XPR1: variants seen among roughly 807,000 people sequenced by gnomAD.
The protein encoded by XPR1 is xenotropic and polytropic retrovirus receptor 1, also known as solute carrier family 53 member 1.
Under a neutral mutation model 87.5 loss-of-function variants are expected in XPR1, and 28 were observed. The ratio of observed to expected loss-of-function variants is 0.32; its 90% CI spans 0.24 to 0.44. The LOEUF (loss-of-function observed/expected upper bound fraction) is 0.44, where lower values mean the gene tolerates loss of function less well. Ranked by LOEUF, XPR1 falls within the 20% of genes least tolerant of loss-of-function variation. XPR1 has a pLI of 1.00. For missense variants in XPR1, 559 were observed against 862.3 expected, an observed-to-expected ratio of 0.65 and a Z score of 4.41; for synonymous variants, 300 against 306.1, an observed-to-expected ratio of 0.98 and a Z score of 0.21.
intron 4 of XPR1, among the ~76,000 whole-genome samples, chr1:180,804,848 T>G (rs1217196258): frequency 1.3e-5 from 2 of 152,150 alleles, no homozygotes; most frequent in African/African-American, 4.8e-5. Context: ...GCTTTATAAT[T>G]TAAAAAACAA....
In XPR1 at chr1:180,717,589, A is replaced by G. The variant is rs1056846909; in HGVS notation, c.121+35178A>G. ...GATCCCAGTCTATATCTCCTACATC[A>G]GAATCTTGGGTGTGGATTGGGAAAT... On this transcript the variant is annotated intron_variant, in intron 2 of 14. Transcript: ENST00000367590. 3.0e-4 allele frequency among the ~76,000 whole-genome samples: 46 copies of G among 152,318 alleles called. No homozygotes were observed. The East Asian group carries it at 4.1e-3, about 13-fold the overall frequency.
intron 13 of XPR1, among the ~76,000 whole-genome samples, chr1:180,878,478 A>T (rs750390623): frequency 2.4e-4 from 36 of 152,204 alleles, no homozygotes; most frequent in Non-Finnish European, 4.4e-4. Flanking sequence ...TATAATAATA[A>T]TATTGTAGTG....
At chr1:180,805,847 T>G (rs1280446791) in intron 4 of XPR1, among the ~76,000 whole-genome samples, 1 of 152,208 alleles carries the variant, frequency 6.6e-6, no homozygotes, top group East Asian at 1.9e-4. Context: ...TCAGGGTTTC[T>G]TTGTGTTACT....
At chr1:180,757,246 C>A (rs934510692) in intron 2 of XPR1, among the ~76,000 whole-genome samples, 2 of 152,090 alleles carry the variant, frequency 1.3e-5, no homozygotes, top group Non-Finnish European at 2.9e-5. Flanking sequence ...CAAAAGTATA[C>A]TAAATGGAGA....
At chr1:180,669,809 C>A (rs1302987807) in intron 1 of XPR1, among the ~76,000 whole-genome samples, 1 of 151,962 alleles carries the variant, frequency 6.6e-6, no homozygotes, top group Non-Finnish European at 1.5e-5. Context: ...ATAAATTAGA[C>A]ACAGTAAGAG....
chr1:180,827,879 A>AT (rs1280550347), intron 9 of XPR1, among the ~76,000 whole-genome samples: 2 of 21,440 alleles, frequency 9.3e-5, no homozygotes, highest in Non-Finnish European at 1.7e-4. Context: ...TTTTTTCTTT[A>AT]ATTTTTTTTT....
rs549659980 is a variant in XPR1, at chr1:180,741,715, G to T, written c.122-46038G>T. ...TTAACCAGGCTAGTCTCAAACTCCT[G>T]ACCTCAGGTGATCTGCCCACCTCAG... On this transcript the variant is annotated intron_variant, in intron 2 of 14. Transcript: ENST00000367590. Among the ~76,000 whole-genome samples the T allele has an allele frequency of 2.6e-5, 4 of 152,284 alleles. No homozygotes were observed. The East Asian group carries it at 7.7e-4, about 29-fold the overall frequency.
chr1:180,734,015 T>TA (rs1019071883), intron 2 of XPR1, among the ~76,000 whole-genome samples: 65 of 152,278 alleles, frequency 4.3e-4, no homozygotes, highest in African/African-American at 1.6e-3. Context: ...GAGAAACAGT[T>TA]AAAAAAGATT....
chr1:180,646,932 C>T (rs1655139427), intron 1 of XPR1, among the ~76,000 whole-genome samples: 2 of 152,172 alleles, frequency 1.3e-5, no homozygotes. Context: ...TGTCACTTAC[C>T]ACTCACTGGT....
intron 11 of XPR1, among the ~76,000 whole-genome samples, chr1:180,846,735 C>G (rs920483262): frequency 3.3e-5 from 5 of 151,928 alleles, no homozygotes; most frequent in African/African-American, 1.2e-4. Flanking sequence ...GTGTGAGCCA[C>G]GGTGCCTGGC....
At chr1:180,714,660 C>G (rs1197332907) in intron 2 of XPR1, among the ~76,000 whole-genome samples, 1 of 152,106 alleles carries the variant, frequency 6.6e-6, no homozygotes, top group Non-Finnish European at 1.5e-5. Context: ...CTGCCTTGGC[C>G]GTCCAAAGTG....
intron 1 of XPR1, among the ~76,000 whole-genome samples, chr1:180,666,123 G>A (rs780605099): frequency 5.9e-5 from 9 of 152,066 alleles, no homozygotes; most frequent in Non-Finnish European, 1.3e-4. Context: ...TATATAGGAG[G>A]GTTTATTTGT....
At chr1:180,643,142 G>A (rs548961634) in intron 1 of XPR1, among the ~76,000 whole-genome samples, 1 of 152,226 alleles carries the variant, frequency 6.6e-6, no homozygotes, top group South Asian at 2.1e-4. Context: ...GATTGGGAGA[G>A]GGGTTAGTTC....
chr1:180,777,500 ATCCCTACC>A (rs1412070453), intron 2 of XPR1, among the ~76,000 whole-genome samples: 2 of 152,158 alleles, frequency 1.3e-5, no homozygotes, highest in East Asian at 3.8e-4. Context: ...TTATCGCTGT[ATCCCTACC>A]CCTGCCACAT....
At chr1:180,701,962 T>G (rs1272225773) in intron 2 of XPR1, among the ~76,000 whole-genome samples, 1 of 100,254 alleles carries the variant, frequency 1.0e-5, no homozygotes, top group Non-Finnish European at 1.9e-5. Context: ...TTTTAGTTAT[T>G]TCTTGCCTTC....
intron 1 of XPR1, among the ~76,000 whole-genome samples, chr1:180,678,019 A>T (rs575288479): frequency 2.0e-5 from 3 of 152,370 alleles, no homozygotes; most frequent in African/African-American, 7.2e-5. Flanking sequence ...ATTTGCTAGA[A>T]CTACCCATAG....
chr1:180,850,391 A>T (rs1651828089), intron 11 of XPR1, among the ~76,000 whole-genome samples: 1 of 152,138 alleles, frequency 6.6e-6, no homozygotes, highest in African/African-American at 2.4e-5. Flanking sequence ...TAGGTTTGTT[A>T]ACTAACCATA....
chr1:180,712,184 C>T lies in XPR1; in HGVS notation c.121+29773C>T, dbSNP rs533823884. Among the ~76,000 whole-genome samples, 5 of 152,264 alleles carry T rather than the reference C, an allele frequency of 3.3e-5. No homozygotes were observed. The East Asian group carries it at 9.6e-4, about 29-fold the overall frequency. On this transcript the variant is annotated intron_variant, in intron 2 of 14. Transcript: ENST00000367590. The stretch of plus-strand genomic sequence containing the variant: ...TATAACAATTATAACAGTATGTCAG[C>T]ATCATTACTCTTGCCCTTTGTGGCC...
chr1:180,690,339 G>A (rs1273749180), intron 2 of XPR1, among the ~76,000 whole-genome samples: 3 of 152,018 alleles, frequency 2.0e-5, no homozygotes, highest in Non-Finnish European at 4.4e-5. Flanking sequence ...AATTTGAGAG[G>A]AAATTCTTCC....
Sources: allele counts gnomAD v4.1 joint callset (sites outside exome capture counted in the v4.1 genomes callset), GRCh38; gene constraint gnomAD v4.1.1; transcripts MANE v1.5; gene names NCBI Gene and HGNC (gene_info 2026-07-23, HGNC 2026-07-21).